Variants in RTTN observed in about 807,000 individuals in gnomAD.
RTTN encodes the protein rotatin.
A neutral mutation model predicts 269.2 loss-of-function variants in RTTN; 182 were observed. The ratio of observed to expected loss-of-function variants is 0.68; its 90% confidence interval spans 0.60 to 0.76. The LOEUF is 0.76. RTTN is among the 30% of genes least tolerant of loss of function. RTTN has a pLI of 0.00. For missense variants in RTTN, 2,545 were observed against 2,608.6 expected (o/e 0.98, Z 0.53); for synonymous variants, 1,006 against 963.5 (o/e 1.04, Z -0.82).
At chr18:70,010,395 G>A (rs1245400883) in intron 46 of RTTN, among the ~76,000 whole-genome samples, 1 of 152,136 alleles carries the variant, frequency 6.6e-6, no homozygotes, top group Non-Finnish European at 1.5e-5. Context: ...GTCTCTCACA[G>A]CACAATGCAA....
intron 33 of RTTN, 39 bp downstream of exon 33, chr18:70,075,313 C>A: frequency 7.3e-7 from 1 of 1,364,328 alleles, no homozygotes; most frequent in South Asian, 1.4e-5. Flanking sequence ...TTACAAGTTA[C>A]ATATTACAAA....
chr18:70,122,390 G>A (rs1193945341), intron 25 of RTTN, among the ~76,000 whole-genome samples: 1 of 151,992 alleles, frequency 6.6e-6, no homozygotes, highest in Non-Finnish European at 1.5e-5. Flanking sequence ...AATTTTATCT[G>A]TAATGTTTTA....
intron 28 of RTTN, among the ~76,000 whole-genome samples, chr18:70,102,703 C>T (rs1182146621): frequency 2.0e-5 from 3 of 152,222 alleles, no homozygotes; most frequent in South Asian, 2.1e-4. Context: ...TTTGCAGTGG[C>T]TGGTACCGCT....
At chr18:70,203,526 T>C (rs1318357530) in intron 3 of RTTN, among the ~76,000 whole-genome samples, 1 of 152,140 alleles carries the variant, frequency 6.6e-6, no homozygotes, top group African/African-American at 2.4e-5. Flanking sequence ...AGTTTTTGAA[T>C]GAGAAAACTG....
chr18:70,004,352 C>T, intron 48 of RTTN, 116 bp from the exon 49 acceptor site: 1 of 580,254 alleles, frequency 1.7e-6, no homozygotes, highest in Non-Finnish European at 2.9e-6. Flanking sequence ...ATTTAAAGCT[C>T]TAAGTTCTTG....
chr18:70,058,394 T>A (rs190497955), intron 36 of RTTN, among the ~76,000 whole-genome samples: 10 of 152,204 alleles, frequency 6.6e-5, no homozygotes, highest in South Asian at 4.1e-4. Context: ...GGCAGATGCC[T>A]GTAATCCCAG....
chr18:70,134,721 T>C (rs1375969179), intron 22 of RTTN, among the ~76,000 whole-genome samples, 180 bp from the exon 23 acceptor site: 1 of 152,098 alleles, frequency 6.6e-6, no homozygotes, highest in Non-Finnish European at 1.5e-5. Flanking sequence ...GAAGAGTAAA[T>C]TATGTTTTAA....
At chr18:70,103,187 C>A (rs542009807) in intron 28 of RTTN, among the ~76,000 whole-genome samples, 1 of 152,264 alleles carries the variant, frequency 6.6e-6, no homozygotes, top group Non-Finnish European at 1.5e-5. Flanking sequence ...AGGAGCGCCT[C>A]TGCCTGGCCG....
chr18:70,190,526 A>C lies in RTTN; in HGVS notation c.1189+12T>G. 5 of 1,580,978 alleles carry C rather than the reference A, an allele frequency of 3.2e-6. No individual in the cohort carries two copies. The highest frequency in any genetic ancestry group is 3.5e-6 in the Non-Finnish European group (4 of 1,154,170). On this transcript the variant is annotated intron_variant, in intron 9 of 48. Coordinates refer to ENST00000640769, the MANE Select transcript of RTTN (RefSeq NM_173630.4). ...AAATTATATCAGAATTACGATTTCTAAAACAACTAACCTGTTCTTAAGAGA... is the reference window on the plus strand; with the variant it reads ...AAATTATATCAGAATTACGATTTCTCAAACAACTAACCTGTTCTTAAGAGA...
chr18:70,158,841 G>T (rs889259739), intron 14 of RTTN, among the ~76,000 whole-genome samples: 10 of 151,994 alleles, frequency 6.6e-5, no homozygotes, highest in African/African-American at 1.9e-4. Flanking sequence ...TGATCAAAAG[G>T]ATAAAGAAAG....
At chr18:70,006,505 T>G in intron 46 of RTTN, 21 bp from the exon 47 acceptor site, 2 of 1,584,660 alleles carry the variant, frequency 1.3e-6, no homozygotes, top group Non-Finnish European at 1.7e-6. Flanking sequence ...ACATATATTT[T>G]TTAAAAGTTC....
intron 27 of RTTN, among the ~76,000 whole-genome samples, chr18:70,111,990 G>A (rs1170926567): frequency 6.6e-6 from 1 of 152,106 alleles, no homozygotes; most frequent in Non-Finnish European, 1.5e-5. Flanking sequence ...AAGAGAGTGG[G>A]GGCCAATATT....
rs769854701 is a variant in RTTN at position 70,047,971 on chromosome 18, C to T, written c.5541G>A (p.Gln1847=). Residue 1847 remains glutamine (Q), a splice_region_variant and synonymous_variant, in exon 40 of 49, where the codon CAG becomes CAA. Transcript: ENST00000640769. ...SLEQLSDVIL[Q]CYEGKSSKDI... is the part of the protein sequence containing the mutation. ...TTTGAAAAACCAAGAAATGACGTAC[C>T]TGAAGGATTACATCACTAAGTTGTT... The T allele has an allele frequency of 6.2e-7, 1 of 1,611,128 alleles. No homozygotes were observed. The highest frequency in any genetic ancestry group is 8.5e-7 in the Non-Finnish European group (1 of 1,177,526).
intron 11 of RTTN, among the ~76,000 whole-genome samples, chr18:70,169,629 A>T (rs906344728): frequency 2.6e-5 from 4 of 152,184 alleles, no homozygotes; most frequent in African/African-American, 9.7e-5. Flanking sequence ...TAATATTTTA[A>T]ATAGTTCTAA....
chr18:70,004,617 TA>T (rs199608325), intron 48 of RTTN, among the ~76,000 whole-genome samples: 16 of 146,392 alleles, frequency 1.1e-4, no homozygotes, highest in Admixed American at 1.4e-4. Context: ...CTCCCCTGCT[TA>T]AAAAAAAAAA....
Position 70,187,261 on chromosome 18 carries a change from C to T in RTTN, c.1305+847G>A, listed in dbSNP as rs374078757. Among the ~76,000 whole-genome samples the T allele has an allele frequency of 2.6e-5, 4 of 151,962 alleles. No homozygotes were observed. The East Asian group carries it at 5.8e-4, about 22-fold the overall frequency. On this transcript the variant is annotated intron_variant, in intron 10 of 48. Transcript: ENST00000640769. ...TACCTACTATTCTATGCACATAAGA[C>T]GTATTTTTAAGTTATAAAAACAGGG...
At chr18:70,059,067 TG>T (rs2057902758) in intron 36 of RTTN, among the ~76,000 whole-genome samples, 1 of 151,762 alleles carries the variant, frequency 6.6e-6, no homozygotes, top group Non-Finnish European at 1.5e-5. Flanking sequence ...CAAAAGGAGG[TG>T]GGTATGGTTG....
intron 46 of RTTN, among the ~76,000 whole-genome samples, chr18:70,012,839 G>A (rs1375089890): frequency 2.0e-5 from 3 of 152,204 alleles, no homozygotes; most frequent in Non-Finnish European, 4.4e-5. Context: ...CAATGCTAGT[G>A]TATTTTAGGA....
At chr18:70,115,838 G>C (rs1383141158) in intron 26 of RTTN, among the ~76,000 whole-genome samples, 1 of 151,834 alleles carries the variant, frequency 6.6e-6, no homozygotes, top group Admixed American at 6.6e-5. Context: ...TTAGGGAAAA[G>C]AAATGAAAAT....
Sources: gnomAD v4.1 joint callset for allele counts (sites outside exome capture counted in the v4.1 genomes callset) on GRCh38, gnomAD v4.1.1 for gene constraint, MANE v1.5 for transcripts, NCBI Gene and HGNC (gene_info 2026-07-23, HGNC 2026-07-21) for gene names.